SLC24A2: variants seen among roughly 807,000 people sequenced by gnomAD.
The protein encoded by SLC24A2 is solute carrier family 24 member 2.
Under a neutral mutation model 62.0 loss-of-function variants are expected in SLC24A2, and 36 were observed. That is an observed-to-expected ratio of 0.58 (90% CI 0.44 to 0.77). The LOEUF is 0.77. SLC24A2 is among the 30% of genes least tolerant of loss of function. The pLI is 0.00. For synonymous variants in SLC24A2, 358 were observed against 294.0 expected, an observed-to-expected ratio of 1.22 and a Z score of -2.23; for missense variants, 846 against 817.9, an observed-to-expected ratio of 1.03 and a Z score of -0.42.
the SLC24A2 span, among the ~76,000 whole-genome samples, chr9:20,092,975 A>C: frequency 2.0e-5 from 3 of 152,222 alleles, no homozygotes; most frequent in Admixed American, 2.0e-4. Context: ...CATGGCCAAC[A>C]TAAATAACTG....
chr9:20,161,606 T>C, the SLC24A2 span, among the ~76,000 whole-genome samples: 9 of 151,328 alleles, frequency 5.9e-5, no homozygotes, highest in Non-Finnish European at 3.0e-5. Context: ...CTATAATAAG[T>C]CTAAAAGACT....
chr9:20,001,329 C>G, the SLC24A2 span, among the ~76,000 whole-genome samples: 3 of 152,166 alleles, frequency 2.0e-5, no homozygotes, highest in Non-Finnish European at 4.4e-5. Flanking sequence ...TCCTGGCACT[C>G]TATTTTGGCT....
At chr9:20,159,107 G>A in the SLC24A2 span, among the ~76,000 whole-genome samples, 2 of 151,508 alleles carry the variant, frequency 1.3e-5, no homozygotes, top group South Asian at 4.1e-4. Flanking sequence ...TTAAGGAAAG[G>A]AAGCACAAGT....
chr9:19,800,299 A>T, the SLC24A2 span, among the ~76,000 whole-genome samples: 2 of 152,172 alleles, frequency 1.3e-5, no homozygotes, highest in African/African-American at 2.4e-5. Flanking sequence ...CCAATCCATG[A>T]TGAGAAAGTG....
chr9:19,779,551 G>T (rs953601643), intron 2 of SLC24A2, among the ~76,000 whole-genome samples: 43 of 152,010 alleles, frequency 2.8e-4, no homozygotes, highest in African/African-American at 8.7e-4. Flanking sequence ...TAAAAATCAG[G>T]TGCATCTACT....
chr9:19,558,786 T>C (rs757631103), intron 7 of SLC24A2, among the ~76,000 whole-genome samples: 1 of 152,226 alleles, frequency 6.6e-6, no homozygotes, highest in Non-Finnish European at 1.5e-5. Flanking sequence ...TCTTTCATTA[T>C]TGGAGCATTG....
intron 2 of SLC24A2, among the ~76,000 whole-genome samples, chr9:19,708,913 A>G (rs1378866452): frequency 6.6e-6 from 1 of 152,160 alleles, no homozygotes; most frequent in Non-Finnish European, 1.5e-5. Context: ...AATGGGATCT[A>G]ATTAAACTAA....
At chr9:19,761,001 A>C (rs1184912573) in intron 2 of SLC24A2, among the ~76,000 whole-genome samples, 1 of 152,206 alleles carries the variant, frequency 6.6e-6, no homozygotes, top group Non-Finnish European at 1.5e-5. Context: ...AACATGGCAC[A>C]TGTATACGTA....
At chr9:19,557,819 T>TA (rs1165526845) in intron 7 of SLC24A2, among the ~76,000 whole-genome samples, 7 of 151,842 alleles carry the variant, frequency 4.6e-5, no homozygotes, top group African/African-American at 1.5e-4. Context: ...CATTTCTTTT[T>TA]TTTTTTTTTG....
the SLC24A2 span, among the ~76,000 whole-genome samples, chr9:20,055,816 G>C: frequency 6.6e-6 from 1 of 152,082 alleles, no homozygotes; most frequent in East Asian, 1.9e-4. Flanking sequence ...TTGAACCCAG[G>C]ATGCGGAGGA....
At chr9:19,796,549 T>A in the SLC24A2 span, among the ~76,000 whole-genome samples, 1 of 152,236 alleles carries the variant, frequency 6.6e-6, no homozygotes, top group Non-Finnish European at 1.5e-5. Context: ...TTCCCCAGAA[T>A]GGGGCACAGG....
intron 4 of SLC24A2, among the ~76,000 whole-genome samples, chr9:19,600,045 G>C (rs900875001): frequency 5.3e-5 from 8 of 152,220 alleles, no homozygotes; most frequent in Non-Finnish European, 8.8e-5. Context: ...ACTGTTCGCT[G>C]TATCAGTGAA....
chr9:19,919,378 T>C, the SLC24A2 span, among the ~76,000 whole-genome samples: 1 of 152,170 alleles, frequency 6.6e-6, no homozygotes, highest in Admixed American at 6.5e-5. Context: ...TCTTGGACAT[T>C]GTGATGTGCT....
At chr9:19,715,074 C>T (rs563504091) in intron 2 of SLC24A2, among the ~76,000 whole-genome samples, 127 of 151,996 alleles carry the variant, frequency 8.4e-4, no homozygotes, top group African/African-American at 2.2e-3. Context: ...CACCAAACAC[C>T]GTAATAATAA....
At chr9:20,204,889 G>A in the SLC24A2 span, among the ~76,000 whole-genome samples, 15 of 151,772 alleles carry the variant, frequency 9.9e-5, no homozygotes, top group African/African-American at 1.7e-4. Flanking sequence ...GACTACAGGC[G>A]CGCACCACCA....
At chr9:19,874,075 CTTTT>C in the SLC24A2 span, among the ~76,000 whole-genome samples, 60 of 107,266 alleles carry the variant, frequency 5.6e-4, no homozygotes, top group Middle Eastern at 6.3e-3. Context: ...CTTTTCTTTT[CTTTT>C]TTTTTTTTTT....
chr9:19,898,675 G>C, the SLC24A2 span, among the ~76,000 whole-genome samples: 2 of 150,014 alleles, frequency 1.3e-5, no homozygotes, highest in South Asian at 4.2e-4. Context: ...CCAGGAGGTG[G>C]AGCTTGCCGT....
intron 2 of SLC24A2, among the ~76,000 whole-genome samples, chr9:19,753,700 T>C (rs1587270886): frequency 6.6e-6 from 1 of 152,202 alleles, no homozygotes; most frequent in Non-Finnish European, 1.5e-5. Flanking sequence ...GCCACCTCTT[T>C]AGAATAAGTT....
chr9:19,592,648 A>G (rs1836592634), intron 5 of SLC24A2, among the ~76,000 whole-genome samples: 1 of 152,112 alleles, frequency 6.6e-6, no homozygotes, highest in Admixed American at 6.6e-5. Context: ...TCTCCTTTTA[A>G]TCCATCTGTC....
Sources: gnomAD v4.1 joint callset for allele counts (sites outside exome capture counted in the v4.1 genomes callset) on GRCh38, gnomAD v4.1.1 for gene constraint, MANE v1.5 for transcripts, NCBI Gene and HGNC (gene_info 2026-07-23, HGNC 2026-07-21) for gene names.